Variants in EGFLAM observed in about 807,000 individuals in gnomAD.
EGFLAM encodes the protein pikachurin.
In EGFLAM, 79 loss-of-function variants were observed where a neutral mutation model predicts 113.1. The observed-to-expected ratio is 0.70, with a 90% CI of 0.58 to 0.84. The LOEUF is 0.84. Ranked by LOEUF, EGFLAM falls within the 40% of genes least tolerant of loss-of-function variation. The pLI, the probability that EGFLAM is intolerant of heterozygous loss-of-function variation, is 0.00. For synonymous variants in EGFLAM, 504 were observed against 487.6 expected (o/e 1.03, Z -0.44); for missense variants, 1,265 against 1,291.6 (o/e 0.98, Z 0.32).
intron 17 of EGFLAM, among the ~76,000 whole-genome samples, chr5:38,446,500 T>C (rs1742717324): frequency 6.6e-6 from 1 of 152,074 alleles, no homozygotes; most frequent in South Asian, 2.1e-4. Flanking sequence ...TCTTTTTTCC[T>C]CCCTGTTTCC....
chr5:38,417,364 A>AAC (rs1741683523), intron 11 of EGFLAM, among the ~76,000 whole-genome samples: 1 of 148,834 alleles, frequency 6.7e-6, no homozygotes, highest in South Asian at 2.1e-4. Context: ...AAAAAAAAAA[A>AAC]AAAAACAAAA....
chr5:38,362,337 G>A (rs927057416), intron 5 of EGFLAM, among the ~76,000 whole-genome samples: 1 of 152,130 alleles, frequency 6.6e-6, no homozygotes, highest in East Asian at 1.9e-4. Context: ...AACTGCCACC[G>A]TTCTTCAGAG....
chr5:38,298,995 C>A (rs2111819173), intron 1 of EGFLAM, among the ~76,000 whole-genome samples: 1 of 152,328 alleles, frequency 6.6e-6, no homozygotes, highest in East Asian at 1.9e-4. Flanking sequence ...CTAAACTGCA[C>A]ATCTTTAAAA....
intron 1 of EGFLAM, among the ~76,000 whole-genome samples, chr5:38,284,483 A>G (rs1758103219): frequency 6.6e-6 from 1 of 152,186 alleles, no homozygotes. Context: ...TTATTTATGG[A>G]TACAAGGTGA....
intron 20 of EGFLAM, among the ~76,000 whole-genome samples, chr5:38,459,367 A>G (rs558551456): frequency 3.3e-5 from 5 of 151,948 alleles, no homozygotes; most frequent in African/African-American, 1.2e-4. Context: ...CTCAGCCCCA[A>G]TTACATATCT....
chr5:38,376,541 A>C (rs902494200), intron 6 of EGFLAM, among the ~76,000 whole-genome samples: 1 of 152,140 alleles, frequency 6.6e-6, no homozygotes, highest in Non-Finnish European at 1.5e-5. Flanking sequence ...TCCTAGCAAA[A>C]GCCGTTTTGC....
At chr5:38,387,353 C>A (rs1022553932) in intron 6 of EGFLAM, among the ~76,000 whole-genome samples, 10 of 152,226 alleles carry the variant, frequency 6.6e-5, no homozygotes, top group Admixed American at 5.2e-4. Flanking sequence ...TGATTTATTG[C>A]TCCTGGCTTC....
intron 21 of EGFLAM, 135 bp from the exon 22 acceptor site, chr5:38,463,697 A>G: frequency 9.8e-7 from 1 of 1,022,220 alleles, no homozygotes; most frequent in Non-Finnish European, 1.4e-6. Flanking sequence ...CAAGGGGCCC[A>G]CAGCCCTCAC....
chr5:38,378,359 C>T (rs1052227641), intron 6 of EGFLAM, among the ~76,000 whole-genome samples: 1 of 152,150 alleles, frequency 6.6e-6, no homozygotes, highest in Non-Finnish European at 1.5e-5. Context: ...GCCTGGAGAC[C>T]AGTTACAGCA....
intron 6 of EGFLAM, among the ~76,000 whole-genome samples, chr5:38,388,721 C>T (rs1227173025): frequency 6.7e-6 from 1 of 149,640 alleles, no homozygotes; most frequent in Non-Finnish European, 1.5e-5. Flanking sequence ...GATTGGGCCA[C>T]TACCCTCCAG....
At chr5:38,329,807 C>A (rs1407021139) in intron 1 of EGFLAM, among the ~76,000 whole-genome samples, 2 of 152,168 alleles carry the variant, frequency 1.3e-5, no homozygotes, top group Non-Finnish European at 2.9e-5. Flanking sequence ...AACTTTCCAA[C>A]CCTAATTATC....
At chr5:38,353,035 C>T (rs1739672853) in intron 5 of EGFLAM, among the ~76,000 whole-genome samples, 1 of 152,192 alleles carries the variant, frequency 6.6e-6, no homozygotes, top group African/African-American at 2.4e-5. Flanking sequence ...AATCTTTTAA[C>T]AACAAGGACA....
At chr5:38,357,155 C>A (rs963749807) in intron 5 of EGFLAM, among the ~76,000 whole-genome samples, 1 of 152,154 alleles carries the variant, frequency 6.6e-6, no homozygotes, top group Non-Finnish European at 1.5e-5. Context: ...GCTCAGGTGG[C>A]TGAGGCAGGA....
chr5:38,289,145 G>A (rs1250884320), intron 1 of EGFLAM, among the ~76,000 whole-genome samples: 1 of 152,004 alleles, frequency 6.6e-6, no homozygotes, highest in African/African-American at 2.4e-5. Context: ...CTCTACTCTT[G>A]CCTCTTTCTT....
At chr5:38,383,983 T>TTGATGAA (rs1359069907) in intron 6 of EGFLAM, among the ~76,000 whole-genome samples, 5 of 152,040 alleles carry the variant, frequency 3.3e-5, no homozygotes, top group African/African-American at 1.2e-4. Context: ...TGTCAAATCT[T>TTGATGAA]ATAGGTCCTG....
chr5:38,333,916 GTTTTTTTTTTT>G (rs70978880), intron 1 of EGFLAM, among the ~76,000 whole-genome samples: 1 of 29,276 alleles, frequency 3.4e-5, no homozygotes, highest in African/African-American at 1.6e-4. Flanking sequence ...ATTGTTGAGG[GTTTTTTTTTTT>G]TTTTTTTTTT....
intron 8 of EGFLAM, 102 bp from the exon 9 acceptor site, chr5:38,407,702 AG>A: frequency 2.7e-6 from 2 of 748,816 alleles, no homozygotes; most frequent in South Asian, 1.7e-5. Context: ...TAGATTAGTG[AG>A]GGTTCTCACT....
intron 1 of EGFLAM, 34 bp from the exon 2 acceptor site, chr5:38,337,486 A>C (rs758313552): frequency 1.9e-6 from 3 of 1,546,382 alleles, no homozygotes; most frequent in Admixed American, 1.9e-5. Flanking sequence ...GGATGTGTGG[A>C]GCCTCTAACA....
At chr5:38,451,674 C>T (rs1337771966) in intron 19 of EGFLAM, 4 of 591,662 alleles carry the variant, frequency 6.8e-6, no homozygotes, top group African/African-American at 5.6e-5. Context: ...CCAAATCTGA[C>T]CCACCACTCT....
Sources: gnomAD v4.1 joint callset for allele counts (sites outside exome capture counted in the v4.1 genomes callset) on GRCh38, gnomAD v4.1.1 for gene constraint, MANE v1.5 for transcripts, NCBI Gene and HGNC (gene_info 2026-07-23, HGNC 2026-07-21) for gene names.